The following FAF1 variants were observed in gnomAD, a reference collection of about 807,000 sequenced individuals.
FAF1 encodes Fas associated factor 1.
FAF1 carries 25 observed loss-of-function variants against 92.5 expected under a neutral mutation model. The ratio of observed to expected loss-of-function variants is 0.27; its 90% CI spans 0.20 to 0.38. The LOEUF (loss-of-function observed/expected upper bound fraction) is 0.38, where lower values mean the gene tolerates loss of function less well. Among genes scored for constraint, FAF1 ranks in the 10% least tolerant of loss-of-function variants. The pLI, the probability that FAF1 is intolerant of heterozygous loss-of-function variation, is 1.00. For synonymous variants in FAF1, 234 were observed against 273.2 expected (o/e 0.86, Z 1.42); for missense variants, 636 against 793.3 (o/e 0.80, Z 2.38).
intron 1 of FAF1, among the ~76,000 whole-genome samples, chr1:50,858,447 C>T (rs1644407237): frequency 6.6e-6 from 1 of 151,832 alleles, no homozygotes; most frequent in South Asian, 2.1e-4. Flanking sequence ...CTGATAGCCA[C>T]TACCAGCCGC....
chr1:50,688,766 C>T (rs755379900), intron 7 of FAF1, among the ~76,000 whole-genome samples: 25 of 152,142 alleles, frequency 1.6e-4, no homozygotes, highest in Non-Finnish European at 3.1e-4. Flanking sequence ...GAGCCGAGAT[C>T]GCGCCATTGC....
Position 50,681,783 on chromosome 1 carries a change from T to C in FAF1, c.657+24003A>G, listed in dbSNP as rs1313531707. On this transcript the variant is annotated intron_variant, in intron 7 of 18. Transcript: ENST00000396153. ...ATCCACCTGCCCTGGCCTCCCAAAG[T>C]GCTGGCATTACAAGCATGAGCCACT... 4.0e-5 allele frequency among the ~76,000 whole-genome samples: 6 copies of C among 151,892 alleles called. No homozygotes were observed. The East Asian group carries it at 9.7e-4, about 25-fold the overall frequency.
At chr1:50,920,362 G>A (rs1644953122) in intron 1 of FAF1, among the ~76,000 whole-genome samples, 1 of 151,744 alleles carries the variant, frequency 6.6e-6, no homozygotes, top group Non-Finnish European at 1.5e-5. Context: ...AAAAACAGCA[G>A]GCATTACTGC....
chr1:50,521,186 C>T lies in FAF1; in HGVS notation c.1494+14183G>A, dbSNP rs535604259. On this transcript the variant is annotated intron_variant, in intron 15 of 18. Transcript: ENST00000396153. ...TTGCTTTTTATGGTGAGAACTCACACTATTTTTTTAATGTCCCCAGAAACA... is the reference window on the plus strand; with the variant it reads ...TTGCTTTTTATGGTGAGAACTCACATTATTTTTTTAATGTCCCCAGAAACA... 1.4e-4 allele frequency among the ~76,000 whole-genome samples: 21 copies of T among 152,190 alleles called. No homozygotes were observed. In the East Asian group the frequency reaches 3.7e-3, roughly 27 times the overall value.
At chr1:50,649,124 G>C (rs1397749054) in intron 8 of FAF1, among the ~76,000 whole-genome samples, 1 of 151,182 alleles carries the variant, frequency 6.6e-6, no homozygotes, top group African/African-American at 2.4e-5. Flanking sequence ...GGAGAGGGCT[G>C]TGTGCAGTTT....
intron 18 of FAF1, among the ~76,000 whole-genome samples, chr1:50,443,033 C>A (rs1206564069): frequency 2.0e-5 from 3 of 152,196 alleles, no homozygotes; most frequent in Non-Finnish European, 2.9e-5. Context: ...AATTAACGTA[C>A]AATACTCATT....
At chr1:50,594,876 A>T (rs1236535018) in intron 9 of FAF1, among the ~76,000 whole-genome samples, 1 of 139,196 alleles carries the variant, frequency 7.2e-6, no homozygotes, top group African/African-American at 2.6e-5. Context: ...CATCTCAAAA[A>T]AAAAAAAAAA....
At chr1:50,677,484 A>C (rs1656173784) in intron 7 of FAF1, among the ~76,000 whole-genome samples, 1 of 152,248 alleles carries the variant, frequency 6.6e-6, no homozygotes, top group African/African-American at 2.4e-5. Context: ...AAAATGACTC[A>C]TGTATTTCTT....
intron 8 of FAF1, among the ~76,000 whole-genome samples, chr1:50,622,720 G>C (rs1340685002): frequency 2.0e-5 from 3 of 152,168 alleles, no homozygotes; most frequent in Admixed American, 6.5e-5. Context: ...AAGAGGAACA[G>C]AGAGGATTCC....
At chr1:50,752,158 C>T (rs575812085) in intron 4 of FAF1, among the ~76,000 whole-genome samples, 3 of 152,122 alleles carry the variant, frequency 2.0e-5, no homozygotes, top group Admixed American at 6.5e-5. Flanking sequence ...TTAGTAGAGA[C>T]GGGGGTCTCG....
intron 1 of FAF1, among the ~76,000 whole-genome samples, chr1:50,867,962 T>C (rs1457916586): frequency 2.6e-5 from 4 of 152,038 alleles, no homozygotes; most frequent in African/African-American, 9.7e-5. Flanking sequence ...ATAAAGAAAG[T>C]GTGGTATATA....
At chr1:50,472,301 G>A (rs954072477) in intron 18 of FAF1, among the ~76,000 whole-genome samples, 1 of 149,572 alleles carries the variant, frequency 6.7e-6, no homozygotes, top group African/African-American at 2.5e-5. Context: ...TGTCCAGGAG[G>A]TAGAGCTCTG....
intron 6 of FAF1, among the ~76,000 whole-genome samples, chr1:50,734,689 A>C (rs1659067894): frequency 6.6e-6 from 1 of 151,254 alleles, no homozygotes; most frequent in Non-Finnish European, 1.5e-5. Flanking sequence ...AGCCGAGATC[A>C]CGCCACTGCA....
intron 2 of FAF1, among the ~76,000 whole-genome samples, chr1:50,819,668 A>ACACACT (rs1484881359): frequency 2.0e-4 from 24 of 118,884 alleles, no homozygotes; most frequent in African/African-American, 6.9e-4. Flanking sequence ...ACACACACAC[A>ACACACT]CTCTCTCTCT....
intron 15 of FAF1, among the ~76,000 whole-genome samples, chr1:50,514,291 A>G (rs1014029279): frequency 3.9e-5 from 6 of 152,226 alleles, no homozygotes; most frequent in African/African-American, 4.8e-5. Context: ...CTTGGTGTTT[A>G]GCAGATTTTT....
At chr1:50,849,846 G>A (rs529228865) in intron 2 of FAF1, among the ~76,000 whole-genome samples, 1 of 152,256 alleles carries the variant, frequency 6.6e-6, no homozygotes, top group Non-Finnish European at 1.5e-5. Context: ...TTTATTAAAG[G>A]TATCATATAA....
At chr1:50,650,284 C>CA (rs1213490969) in intron 8 of FAF1, among the ~76,000 whole-genome samples, 10,233 of 84,030 alleles carry the variant, frequency 0.12, 646 homozygotes, top group African/African-American at 0.23. Flanking sequence ...AACTCTGTCT[C>CA]AAAAAAAAAA....
intron 12 of FAF1, among the ~76,000 whole-genome samples, chr1:50,570,380 G>T (rs1340525618): frequency 6.6e-6 from 1 of 152,148 alleles, no homozygotes; most frequent in Non-Finnish European, 1.5e-5. Context: ...TTTCCTTTGT[G>T]GTGGCACTGC....
In FAF1 at chr1:50,779,993, C is replaced by CAG. The variant is rs199882037; in HGVS notation, c.367+8006_367+8007insCT. 5.0e-3 allele frequency among the ~76,000 whole-genome samples: 387 copies of CAG among 78,166 alleles called. 1 individual carries two copies. The highest frequency in any genetic ancestry group is 8.1e-3 in the Non-Finnish European group (296 of 36,474). The allele number at this position is 78,166 out of a possible 152,430, so 51.3% of individuals were successfully genotyped here. ...AAGCACACATGCACAGACAGACAGACACACACACACACACACACACACACA... is the reference window on the plus strand; with the variant it reads ...AAGCACACATGCACAGACAGACAGACAGACACACACACACACACACACACACA... On this transcript the variant is annotated intron_variant, in intron 4 of 18. Transcript: ENST00000396153.
Sources: gnomAD v4.1 joint callset for allele counts (sites outside exome capture counted in the v4.1 genomes callset) on GRCh38, gnomAD v4.1.1 for gene constraint, MANE v1.5 for transcripts, NCBI Gene and HGNC (gene_info 2026-07-23, HGNC 2026-07-21) for gene names.